Variants in AAR2 observed in about 807,000 individuals in gnomAD.
AAR2 encodes the protein AAR2 splicing factor, also known as protein AAR2 homolog.
Under a neutral mutation model 26.9 loss-of-function variants are expected in AAR2, and 31 were observed. That is an observed-to-expected ratio of 1.15 (90% CI 0.86 to 1.55). The LOEUF is 1.55. Among genes scored for constraint, AAR2 ranks in the 40% most tolerant of loss-of-function variants. The pLI is 0.00. For missense variants in AAR2, 430 were observed against 491.3 expected, an observed-to-expected ratio of 0.88 and a Z score of 1.18; for synonymous variants, 188 against 196.1, an observed-to-expected ratio of 0.96 and a Z score of 0.34.
In AAR2 at chr20:36,255,929, C is replaced by G. The variant is rs113640620; in HGVS notation, c.*184C>G. 1.6e-4 allele frequency: 140 copies of G among 851,970 alleles called. No individual in the cohort carries two copies. Among genetic ancestry groups the G allele is most frequent in the Non-Finnish European group, 2.3e-4 (133 of 575,410 alleles). The allele number at this position is 851,970 out of a possible 1,614,324, so 52.8% of individuals were successfully genotyped here. On this transcript the variant is annotated 3_prime_UTR_variant, in exon 4 of 4. Coordinates refer to ENST00000320849, the MANE Select transcript of AAR2 (RefSeq NM_001271874.2). ...TTCTTCATTGCCAAAGAGGCTGTAC[C>G]CATCCTGAAGGCACATTTGTGGGTT...
Position 36,253,338 on chromosome 20 carries a change from G to A in AAR2, c.988-2240G>A, listed in dbSNP as rs567169793. Reference sequence around the variant, plus strand: ...TGTGGATCAAAGAGCTTCTTCCACCGTCACAACCCTGTGTCTCTGGGTGGG... The same window carrying A: ...TGTGGATCAAAGAGCTTCTTCCACCATCACAACCCTGTGTCTCTGGGTGGG... On this transcript the variant is annotated intron_variant, in intron 3 of 3. Coordinates refer to ENST00000320849, the MANE Select transcript of AAR2 (RefSeq NM_001271874.2). Among the ~76,000 whole-genome samples, 89 of 152,260 alleles carry A rather than the reference G, an allele frequency of 5.8e-4. 4 individuals carry two copies. The highest frequency in any genetic ancestry group is 2.1e-4 in the Non-Finnish European group (14 of 68,020).
Position 36,240,313 on chromosome 20 carries a change from C to T in AAR2, c.445C>T (p.Gln149Ter). The change falls in exon 2 of 4, where the codon CAG becomes TAG. Residue 149 changes from glutamine (Q) to a stop codon, truncating the protein, a stop_gained. Coordinates refer to ENST00000320849, the MANE Select transcript of AAR2 (RefSeq NM_001271874.2). LOFTEE classifies it high-confidence loss of function. ...FISEATVEKLQPENRQICAFS... is the reference protein window; with the variant it reads ...FISEATVEKL ...CAGCGAAGCCACAGTGGAGAAGCTACAGCCCGAGAATCGACAGATCTGTGC... is the reference window on the plus strand; with the variant it reads ...CAGCGAAGCCACAGTGGAGAAGCTATAGCCCGAGAATCGACAGATCTGTGC... 1 of 1,614,250 alleles carries T rather than the reference C, an allele frequency of 6.2e-7. No homozygotes were observed. The highest frequency in any genetic ancestry group is 8.5e-7 in the Non-Finnish European group (1 of 1,180,056).
In AAR2 at chr20:36,244,778, T is replaced by C; in HGVS notation, c.839T>C (p.Leu280Pro). 2 of 1,614,146 alleles carry C rather than the reference T, an allele frequency of 1.2e-6. No individual in the cohort carries two copies. Among genetic ancestry groups the C allele is most frequent in the Non-Finnish European group, 1.7e-6 (2 of 1,180,024 alleles). The change falls in exon 3 of 4, where the codon CTC (leucine) becomes CCC (proline). Residue 280 changes from leucine (L) to proline (P), a missense_variant. Physicochemically the swap from Leu to Pro is moderately conservative, Grantham distance 98 (BLOSUM62 -3). Transcript: ENST00000320849. ...GAGCATTGGAAGCGGCTCCTGAACC[T>C]CCTGTGCCGGTCAGAAGCAGCCATG... Reference protein sequence around the residue: ...AFEHWKRLLNLLCRSEAAMMK... With the variant: ...AFEHWKRLLNPLCRSEAAMMK...
chr20:36,253,755 C>T (rs2064798264), intron 3 of AAR2, among the ~76,000 whole-genome samples: 1 of 152,200 alleles, frequency 6.6e-6, no homozygotes, highest in African/African-American at 2.4e-5. Context: ...AATGCAAAAA[C>T]AACCCAATTT....
At chr20:36,253,245 T>C (rs1166865459) in intron 3 of AAR2, among the ~76,000 whole-genome samples, 1 of 152,172 alleles carries the variant, frequency 6.6e-6, no homozygotes, top group Non-Finnish European at 1.5e-5. Context: ...TTGCCTTTGT[T>C]GGGTCAGGTC....
rs370233623 is a variant in AAR2 at position 36,240,416 on chromosome 20, T to C, written c.548T>C (p.Ile183Thr). 2.4e-5 allele frequency: 39 copies of C among 1,614,078 alleles called. No homozygotes were observed. Among genetic ancestry groups the C allele is most frequent in the African/African-American group, 5.3e-5 (4 of 74,914 alleles). Residue 183 changes from isoleucine to threonine, a missense_variant, in exon 2 of 4, where the codon ATT becomes ACT. Coordinates refer to ENST00000320849, the MANE Select transcript of AAR2 (RefSeq NM_001271874.2). The part of the protein sequence containing the change: ...RVGQNLPRCG[I>T]ECKSYQEGLA... Reference sequence around the variant, plus strand: ...GGGCAGAATCTACCCCGCTGTGGCATTGAGTGCAAAAGCTACCAAGAGGGC... The same window carrying C: ...GGGCAGAATCTACCCCGCTGTGGCACTGAGTGCAAAAGCTACCAAGAGGGC...
In AAR2 at chr20:36,240,088, C is replaced by T. The variant is rs1364120477; in HGVS notation, c.220C>T (p.Arg74Cys). 5.6e-6 allele frequency: 9 copies of T among 1,614,218 alleles called. No homozygotes were observed. The highest frequency in any genetic ancestry group is 5.5e-5 in the South Asian group (5 of 91,082). Residue 74 changes from arginine to cysteine, a missense_variant, in exon 2 of 4, where the codon CGT (arginine) becomes TGT (cysteine). By Grantham distance (180) the Arg-to-Cys change is radical (BLOSUM62 -3). Transcript: ENST00000320849. ...DKANPKEVGP[R>C]MGFFLSLHQR... Reference sequence around the variant, plus strand: ...GGCTAATCCGAAGGAAGTAGGCCCTCGTATGGGTTTCTTCCTTAGCCTGCA... The same window carrying T: ...GGCTAATCCGAAGGAAGTAGGCCCTTGTATGGGTTTCTTCCTTAGCCTGCA...
intron 3 of AAR2, among the ~76,000 whole-genome samples, chr20:36,252,252 G>A (rs1265155604): frequency 6.6e-6 from 1 of 152,150 alleles, no homozygotes; most frequent in Non-Finnish European, 1.5e-5. Context: ...CAGCTATTTG[G>A]TGCTAGGCAC....
intron 2 of AAR2, among the ~76,000 whole-genome samples, chr20:36,241,921 A>G (rs1194523310): frequency 2.6e-5 from 4 of 152,178 alleles, no homozygotes; most frequent in African/African-American, 9.7e-5. Context: ...CCTGTTGCCC[A>G]TCACCTTTGA....
intron 3 of AAR2, among the ~76,000 whole-genome samples, chr20:36,249,295 GT>G (rs2064763133): frequency 6.6e-6 from 1 of 152,130 alleles, no homozygotes; most frequent in Non-Finnish European, 1.5e-5. Context: ...AATAGATGCA[GT>G]TTTTTCTTTT....
chr20:36,238,822 C>T lies in AAR2; in HGVS notation c.-48-999C>T, dbSNP rs563519626. On this transcript the variant is annotated intron_variant, in intron 1 of 3. Coordinates refer to ENST00000320849, the MANE Select transcript of AAR2 (RefSeq NM_001271874.2). Reference sequence around the variant, plus strand: ...CGTTTTTCTGTGTGTGAAATTTTGACGTCTTGGCTAGATTGGAATTGCCTA... The same window carrying T: ...CGTTTTTCTGTGTGTGAAATTTTGATGTCTTGGCTAGATTGGAATTGCCTA... Among the ~76,000 whole-genome samples the T allele has an allele frequency of 7.9e-5, 12 of 151,104 alleles. No homozygotes were observed. In the East Asian group the frequency reaches 1.6e-3, roughly 20 times the overall value.
chr20:36,243,104 T>A (rs2064700204), intron 2 of AAR2, among the ~76,000 whole-genome samples: 1 of 152,164 alleles, frequency 6.6e-6, no homozygotes, highest in Non-Finnish European at 1.5e-5. Flanking sequence ...CCTCCTCCAC[T>A]GACCTCTCAA....
In AAR2 at chr20:36,240,338, C is replaced by G; in HGVS notation, c.470C>G (p.Ala157Gly). ...CAGCCCGAGAATCGACAGATCTGTGCCTTTTCCGATGTGCTACCTGTGCTC... is the reference window on the plus strand; with the variant it reads ...CAGCCCGAGAATCGACAGATCTGTGGCTTTTCCGATGTGCTACCTGTGCTC... ...KLQPENRQICAFSDVLPVLSM... is the reference protein window; with the variant it reads ...KLQPENRQICGFSDVLPVLSM... The change falls in exon 2 of 4, where the codon GCC becomes GGC. Residue 157 changes from alanine to glycine, a missense_variant. By Grantham distance (60) the Ala-to-Gly change is moderately conservative. Coordinates refer to ENST00000320849, the MANE Select transcript of AAR2 (RefSeq NM_001271874.2). 6.2e-7 allele frequency: 1 copy of G among 1,614,236 alleles called. No individual in the cohort carries two copies. Among genetic ancestry groups the G allele is most frequent in the Non-Finnish European group, 8.5e-7 (1 of 1,180,050 alleles).
rs369464017 is a variant in AAR2, at chr20:36,240,318, C to T, written c.450C>T (p.Pro150=). 1.4e-5 allele frequency: 23 copies of T among 1,614,220 alleles called. No homozygotes were observed. The highest frequency in any genetic ancestry group is 4.4e-5 in the South Asian group (4 of 91,078). ...ISEATVEKLQ[P]ENRQICAFSD... ...AAGCCACAGTGGAGAAGCTACAGCC[C>T]GAGAATCGACAGATCTGTGCCTTTT... The change falls in exon 2 of 4, where the codon CCC becomes CCT. Residue 150 remains proline (P), a synonymous_variant. Transcript: ENST00000320849.
intron 2 of AAR2, among the ~76,000 whole-genome samples, chr20:36,242,107 G>A (rs1345678375): frequency 7.1e-6 from 1 of 140,080 alleles, no homozygotes; most frequent in Non-Finnish European, 1.6e-5. Flanking sequence ...ATATTTTCTT[G>A]TTGGAAGTTC....
intron 1 of AAR2, among the ~76,000 whole-genome samples, chr20:36,237,750 G>GTATTATTATTAT (rs71184090): frequency 9.7e-4 from 135 of 139,046 alleles, no homozygotes; most frequent in East Asian, 4.0e-3. Context: ...AAGATGATAC[G>GTATTATTATTAT]TATTATTATT....
Position 36,240,096 on chromosome 20 carries a change from T to C in AAR2, c.228T>C (p.Gly76=). The change falls in exon 2 of 4, where the codon GGT becomes GGC. Residue 76 remains glycine, a synonymous_variant. Transcript: ENST00000320849. ...ANPKEVGPRM[G]FFLSLHQRGL... Reference sequence around the variant, plus strand: ...CGAAGGAAGTAGGCCCTCGTATGGGTTTCTTCCTTAGCCTGCACCAGCGGG... The same window carrying C: ...CGAAGGAAGTAGGCCCTCGTATGGGCTTCTTCCTTAGCCTGCACCAGCGGG... The C allele has an allele frequency of 6.2e-7, 1 of 1,614,150 alleles. No individual in the cohort carries two copies.
chr20:36,241,957 A>G (rs1407738779), intron 2 of AAR2, among the ~76,000 whole-genome samples: 1 of 152,122 alleles, frequency 6.6e-6, no homozygotes, highest in Non-Finnish European at 1.5e-5. Context: ...CAGTTTAACA[A>G]AGGCCTCTTC....
intron 3 of AAR2, among the ~76,000 whole-genome samples, chr20:36,251,035 A>G (rs2064776168): frequency 6.6e-6 from 1 of 152,096 alleles, no homozygotes; most frequent in Non-Finnish European, 1.5e-5. Context: ...TGTCTCTACA[A>G]AAAATACAAA....
Sources: allele counts gnomAD v4.1 joint callset (sites outside exome capture counted in the v4.1 genomes callset), GRCh38; gene constraint gnomAD v4.1.1; transcripts MANE v1.5; gene names NCBI Gene and HGNC (gene_info 2026-07-23, HGNC 2026-07-21).